The following FLI1 variants were observed in gnomAD, a reference collection of about 807,000 sequenced individuals.
The protein encoded by FLI1 is Friend leukemia integration 1 transcription factor.
FLI1 carries 13 observed loss-of-function variants against 53.1 expected under a neutral mutation model. The ratio of observed to expected loss-of-function variants is 0.24; its 90% CI spans 0.16 to 0.39. The LOEUF (loss-of-function observed/expected upper bound fraction) is 0.39, where lower values mean the gene tolerates loss of function less well. Ranked by LOEUF, FLI1 falls within the 10% of genes least tolerant of loss-of-function variation. FLI1 has a pLI of 1.00. For missense variants in FLI1, 424 were observed against 600.5 expected (o/e 0.71, Z 3.07); for synonymous variants, 244 against 236.7 (o/e 1.03, Z -0.28).
rs546906046 is a variant in FLI1 at position 128,714,858 on chromosome 11, A to T, written c.18+20582A>T. On this transcript the variant is annotated intron_variant, in intron 1 of 8. Coordinates refer to ENST00000527786, the MANE Select transcript of FLI1 (RefSeq NM_002017.5). ...CGTGTAGCTTGGACTACAGGCACGC[A>T]CCACCACGCCCAGCTAATTTTTGTA... Among the ~76,000 whole-genome samples the T allele has an allele frequency of 2.0e-5, 3 of 151,350 alleles. No individual in the cohort carries two copies. The East Asian group carries it at 5.8e-4, about 29-fold the overall frequency.
intron 1 of FLI1, among the ~76,000 whole-genome samples, chr11:128,734,616 G>A (rs1329080726): frequency 2.0e-5 from 3 of 152,168 alleles, no homozygotes; most frequent in Non-Finnish European, 2.9e-5. Flanking sequence ...CCTGGCTGGC[G>A]GTCACTTGCT....
Position 128,694,123 on chromosome 11 carries a change from C to T in FLI1, c.-136C>T, listed in dbSNP as rs1937904621. 2.5e-6 allele frequency: 2 copies of T among 809,228 alleles called. No individual in the cohort carries two copies. The highest frequency in any genetic ancestry group is 1.8e-5 in the African/African-American group (1 of 55,090). The allele number at this position is 809,228 out of a possible 1,614,324, so 50.1% of individuals were successfully genotyped here. ...CGTGCACAGGGGAGTGAGGGCAGGG[C>T]GCTCGCAGGGGGCACGCAGGGAGGG... On this transcript the variant is annotated 5_prime_UTR_variant, in exon 1 of 9. Coordinates refer to ENST00000527786, the MANE Select transcript of FLI1 (RefSeq NM_002017.5).
chr11:128,792,410 G>A (rs973172510), intron 5 of FLI1, among the ~76,000 whole-genome samples: 4 of 152,232 alleles, frequency 2.6e-5, no homozygotes, highest in Non-Finnish European at 4.4e-5. Flanking sequence ...AAGCAATCTA[G>A]CAATTTAGAA....
intron 2 of FLI1, among the ~76,000 whole-genome samples, chr11:128,758,660 A>G (rs1370502062): frequency 6.6e-6 from 1 of 152,226 alleles, no homozygotes; most frequent in African/African-American, 2.4e-5. Flanking sequence ...ACAGCTTAGC[A>G]ATAAGCTACT....
chr11:128,763,684 C>A (rs774678049), intron 2 of FLI1, among the ~76,000 whole-genome samples: 3 of 152,140 alleles, frequency 2.0e-5, no homozygotes, highest in Non-Finnish European at 4.4e-5. Flanking sequence ...TCTCTGGCTG[C>A]GAGGCCCCTT....
At chr11:128,735,375 T>C (rs887070916) in intron 1 of FLI1, among the ~76,000 whole-genome samples, 2 of 152,216 alleles carry the variant, frequency 1.3e-5, no homozygotes, top group African/African-American at 4.8e-5. Context: ...TAAAGTCCTG[T>C]ATAATAACAT....
intron 1 of FLI1, among the ~76,000 whole-genome samples, chr11:128,687,297 C>T (rs1368784292): frequency 6.6e-6 from 1 of 151,864 alleles, no homozygotes; most frequent in East Asian, 1.9e-4. Context: ...ACAACAGTTT[C>T]CAAGAATGTA....
intron 1 of FLI1, among the ~76,000 whole-genome samples, chr11:128,715,419 A>T (rs1475498282): frequency 6.6e-6 from 1 of 152,224 alleles, no homozygotes; most frequent in Non-Finnish European, 1.5e-5. Context: ...AATGAATTGC[A>T]TTAAAAATAG....
At chr11:128,805,651 C>T (rs942333013) in intron 6 of FLI1, 8 of 516,732 alleles carry the variant, frequency 1.5e-5, no homozygotes, top group East Asian at 6.5e-5. Flanking sequence ...TTATTGCGCT[C>T]GGTTTTAGAA....
chr11:128,715,574 C>T (rs1314371123), intron 1 of FLI1, among the ~76,000 whole-genome samples: 2 of 152,098 alleles, frequency 1.3e-5, no homozygotes, highest in African/African-American at 2.4e-5. Context: ...TTATTATCTC[C>T]GTATCCCCCA....
intron 1 of FLI1, among the ~76,000 whole-genome samples, 161 bp from the exon 2 acceptor site, chr11:128,757,954 G>A (rs1940958275): frequency 6.6e-6 from 1 of 152,134 alleles, no homozygotes; most frequent in South Asian, 2.1e-4. Context: ...CATCTGGTTT[G>A]CATAAGGGCA....
At chr11:128,798,792 G>A (rs1471842771) in intron 5 of FLI1, among the ~76,000 whole-genome samples, 2 of 152,160 alleles carry the variant, frequency 1.3e-5, no homozygotes, top group Non-Finnish European at 2.9e-5. Context: ...CTAGAATGGT[G>A]GGATGTAGTG....
At chr11:128,714,954 G>C (rs1400097102) in intron 1 of FLI1, among the ~76,000 whole-genome samples, 1 of 152,122 alleles carries the variant, frequency 6.6e-6, no homozygotes, top group Admixed American at 6.5e-5. Context: ...TCATCCGCCA[G>C]CCTCAGCCTC....
intron 5 of FLI1, among the ~76,000 whole-genome samples, chr11:128,784,524 C>T (rs181500005): frequency 1.3e-5 from 2 of 152,236 alleles, no homozygotes; most frequent in Middle Eastern, 3.4e-3. Flanking sequence ...CCTCTAGAGA[C>T]GATTAAGCCT....
At chr11:128,809,124 C>G in intron 7 of FLI1, 33 bp from the exon 8 acceptor site, 1 of 1,599,136 alleles carries the variant, frequency 6.3e-7, no homozygotes, top group Non-Finnish European at 8.6e-7. Context: ...TTTTTAAAAA[C>G]ACTGAAGCAA....
At chr11:128,747,977 A>T (rs1015437289) in intron 1 of FLI1, among the ~76,000 whole-genome samples, 2 of 152,146 alleles carry the variant, frequency 1.3e-5, no homozygotes, top group Non-Finnish European at 2.9e-5. Context: ...TGCCCTTTAA[A>T]TGTGGTTATG....
intron 1 of FLI1, among the ~76,000 whole-genome samples, chr11:128,725,647 C>CTCTCT (rs1565468106): frequency 2.6e-5 from 1 of 37,966 alleles, no homozygotes; most frequent in African/African-American, 5.6e-5. Context: ...ATTCTCTCTC[C>CTCTCT]CTCTCTCTCT....
chr11:128,697,286 T>C (rs1469635199), intron 1 of FLI1, among the ~76,000 whole-genome samples: 1 of 152,170 alleles, frequency 6.6e-6, no homozygotes, highest in Non-Finnish European at 1.5e-5. Flanking sequence ...CGTGGTGTCA[T>C]TACAGATGGG....
intron 5 of FLI1, among the ~76,000 whole-genome samples, chr11:128,799,043 A>ATTTTTTTTT (rs1186555006): frequency 7.8e-6 from 1 of 128,668 alleles, no homozygotes; most frequent in African/African-American, 3.0e-5. Flanking sequence ...TATTATTATT[A>ATTTTTTTTT]TTATTATTAT....
Sources: allele counts gnomAD v4.1 joint callset (sites outside exome capture counted in the v4.1 genomes callset), GRCh38; gene constraint gnomAD v4.1.1; transcripts MANE v1.5; gene names NCBI Gene and HGNC (gene_info 2026-07-23, HGNC 2026-07-21).